The following TTC39B variants were observed in gnomAD, a reference collection of about 807,000 sequenced individuals.
TTC39B encodes the protein tetratricopeptide repeat domain 39B.
A neutral mutation model predicts 96.6 loss-of-function variants in TTC39B; 92 were observed. The observed-to-expected ratio is 0.95, with a 90% confidence interval of 0.80 to 1.13. TTC39B has a LOEUF of 1.13. Ranked by LOEUF, TTC39B falls within the 50% of genes most tolerant of loss-of-function variation. The pLI is 0.00. For synonymous variants in TTC39B, 367 were observed against 299.4 expected (o/e 1.23, Z -2.33); for missense variants, 955 against 809.3 (o/e 1.18, Z -2.18).
At chr9:15,214,080 CA>C in intron 4 of TTC39B, 58 bp downstream of exon 4, 1 of 1,320,322 alleles carries the variant, frequency 7.6e-7, no homozygotes, top group Non-Finnish European at 1.1e-6. Flanking sequence ...AGCATGACAT[CA>C]AAGAATCATC....
At chr9:15,274,991 T>C (rs527799902) in intron 1 of TTC39B, among the ~76,000 whole-genome samples, 109 of 152,222 alleles carry the variant, frequency 7.2e-4, no homozygotes, top group Non-Finnish European at 1.3e-3. Flanking sequence ...TATAGTTCCC[T>C]GGTTGCTCTT....
At chr9:15,221,129 C>G (rs985707738) in intron 3 of TTC39B, among the ~76,000 whole-genome samples, 1 of 152,176 alleles carries the variant, frequency 6.6e-6, no homozygotes, top group Non-Finnish European at 1.5e-5. Context: ...GTTCTCAAGA[C>G]TCTGCAGATA....
chr9:15,230,684 C>G (rs1349474521), intron 2 of TTC39B, among the ~76,000 whole-genome samples: 1 of 152,090 alleles, frequency 6.6e-6, no homozygotes. Flanking sequence ...TATGAACATT[C>G]ATGTACAAGT....
At chr9:15,250,940 G>A (rs1822507457) in intron 2 of TTC39B, among the ~76,000 whole-genome samples, 1 of 152,186 alleles carries the variant, frequency 6.6e-6, no homozygotes, top group African/African-American at 2.4e-5. Context: ...GCTCATGCCT[G>A]TAATCCCAGC....
chr9:15,198,621 A>G (rs4740604), intron 8 of TTC39B, among the ~76,000 whole-genome samples: 120,509 of 151,438 alleles, frequency 0.8, 48,133 homozygotes, highest in East Asian at 0.91. Flanking sequence ...GAGCAACCAC[A>G]AAAAAATTAG....
chr9:15,212,633 G>A (rs1269276851), intron 4 of TTC39B, among the ~76,000 whole-genome samples: 4 of 152,162 alleles, frequency 2.6e-5, no homozygotes, highest in African/African-American at 9.6e-5. Context: ...CTCCCTGTTG[G>A]TCAGGCTGGT....
At chr9:15,229,968 G>A (rs566895805) in intron 2 of TTC39B, among the ~76,000 whole-genome samples, 1 of 152,216 alleles carries the variant, frequency 6.6e-6, no homozygotes, top group Non-Finnish European at 1.5e-5. Context: ...GAAATCTACA[G>A]AGAATTGTTG....
chr9:15,284,966 ACTAAGATCCTTTCGG>A (rs924857215), intron 1 of TTC39B, among the ~76,000 whole-genome samples: 57 of 152,364 alleles, frequency 3.7e-4, no homozygotes, highest in African/African-American at 1.3e-3. Context: ...TTGTTTTATA[ACTAAGATCCTTTCGG>A]CCGAGCTCGG....
exon 7 of TTC39B, chr9:15,203,833 G>T (rs150014250): frequency 6.2e-7 from 1 of 1,612,494 alleles, no homozygotes; most frequent in Non-Finnish European, 8.5e-7. Context: ...CTGCACAAAC[G>T]TGAGTGCAGC....
chr9:15,257,114 T>A (rs1314308192), intron 2 of TTC39B, among the ~76,000 whole-genome samples: 1 of 152,218 alleles, frequency 6.6e-6, no homozygotes, highest in East Asian at 1.9e-4. Context: ...TGTGATTTTT[T>A]AAAAAGCGAC....
At chr9:15,269,909 C>G (rs1222453663) in intron 1 of TTC39B, among the ~76,000 whole-genome samples, 1 of 151,652 alleles carries the variant, frequency 6.6e-6, no homozygotes, top group Non-Finnish European at 1.5e-5. Flanking sequence ...TGGCTTACAC[C>G]TGTAATCCCA....
At chr9:15,263,428 G>C (rs563956454) in intron 2 of TTC39B, among the ~76,000 whole-genome samples, 1 of 152,302 alleles carries the variant, frequency 6.6e-6, no homozygotes, top group African/African-American at 2.4e-5. Flanking sequence ...GTTCAAGTCT[G>C]ACTGTCAAGT....
intron 1 of TTC39B, 80 bp downstream of exon 1, chr9:15,307,004 C>A: frequency 6.4e-7 from 1 of 1,553,870 alleles, no homozygotes; most frequent in Admixed American, 1.9e-5. Flanking sequence ...CCTCGGCCGT[C>A]CTAGCCGGGC....
intron 4 of TTC39B, among the ~76,000 whole-genome samples, chr9:15,211,639 T>C (rs1024713112): frequency 5.9e-5 from 9 of 152,282 alleles, no homozygotes; most frequent in African/African-American, 2.2e-4. Flanking sequence ...CATTTCCCTA[T>C]TTCAACACAA....
At chr9:15,252,260 A>T (rs1032329621) in intron 2 of TTC39B, among the ~76,000 whole-genome samples, 1 of 152,180 alleles carries the variant, frequency 6.6e-6, no homozygotes. Context: ...TTCCAACTAC[A>T]TTTTTGTGGA....
At chr9:15,256,113 C>A (rs1040013051) in intron 2 of TTC39B, among the ~76,000 whole-genome samples, 5 of 152,162 alleles carry the variant, frequency 3.3e-5, no homozygotes, top group Non-Finnish European at 5.9e-5. Flanking sequence ...ATGAGGGTTC[C>A]ACCCTTGTAA....
exon 20 of TTC39B, chr9:15,164,170 T>C (rs956077722): frequency 1.3e-5 from 2 of 152,184 alleles, no homozygotes; most frequent in Admixed American, 6.5e-5. Flanking sequence ...ATATTCAGTT[T>C]CTAAAAATGT....
chr9:15,190,116 A>C (rs984979851), intron 11 of TTC39B, among the ~76,000 whole-genome samples: 1 of 152,200 alleles, frequency 6.6e-6, no homozygotes, highest in African/African-American at 2.4e-5. Flanking sequence ...CATATATGAT[A>C]AAATAGATCA....
chr9:15,211,272 C>G, exon 5 of TTC39B: 1 of 1,540,598 alleles, frequency 6.5e-7, no homozygotes, highest in Non-Finnish European at 8.7e-7. Flanking sequence ...ATACTTTTGG[C>G]AGGTTTGTAA....
Sources: allele counts gnomAD v4.1 joint callset (sites outside exome capture counted in the v4.1 genomes callset), GRCh38; gene constraint gnomAD v4.1.1; transcripts MANE v1.5; gene names NCBI Gene and HGNC (gene_info 2026-07-23, HGNC 2026-07-21).